Variants in PCDHGB4 observed in about 807,000 individuals in gnomAD.
PCDHGB4 encodes the protein protocadherin gamma subfamily B, 4, also known as protocadherin gamma-B4.
A neutral mutation model predicts 60.5 loss-of-function variants in PCDHGB4; 38 were observed. The observed-to-expected ratio is 0.63, with a 90% CI of 0.48 to 0.82. PCDHGB4 has a LOEUF of 0.82. Among genes scored for constraint, PCDHGB4 ranks in the 40% least tolerant of loss-of-function variants. PCDHGB4 has a pLI of 0.00. For missense variants in PCDHGB4, 1,109 were observed against 1,209.6 expected (o/e 0.92, Z 1.23); for synonymous variants, 456 against 509.7 (o/e 0.89, Z 1.42).
intron 1 of PCDHGB4, chr5:141,410,801 A>T: frequency 3.4e-6 from 2 of 587,936 alleles, no homozygotes; most frequent in South Asian, 3.5e-5. Context: ...AAGTTGCTCT[A>T]TCTTTTTGTA....
chr5:141,399,448 G>A (rs1272959259), intron 1 of PCDHGB4: 5 of 1,613,872 alleles, frequency 3.1e-6, no homozygotes, highest in Non-Finnish European at 4.2e-6. Flanking sequence ...TATCAGAGAC[G>A]TCAACGATAA....
At chr5:141,510,315 G>A (rs2099880567) in intron 3 of PCDHGB4, among the ~76,000 whole-genome samples, 1 of 151,324 alleles carries the variant, frequency 6.6e-6, no homozygotes, top group African/African-American at 2.4e-5. Flanking sequence ...TGGAGGCTTG[G>A]AAGAGCACTC....
rs777115265 is a variant in PCDHGB4, at chr5:141,485,247, G to C, written c.2398-9560G>C. ...CTTTTGTTCCTCTTTTACCACCTGG[G>C]TTACGTTTGTGGGCAGATCCGCTAC... On this transcript the variant is annotated intron_variant, in intron 1 of 3. Coordinates refer to ENST00000519479, the MANE Select transcript of PCDHGB4 (RefSeq NM_003736.4). This position sits in a 1 kb window ranked among gnomAD's most constrained non-coding sequence, Gnocchi z 5.7. 8.7e-6 allele frequency: 14 copies of C among 1,614,156 alleles called. No homozygotes were observed. In the African/African-American group the frequency reaches 1.6e-4, roughly 18 times the overall value.
intron 1 of PCDHGB4, among the ~76,000 whole-genome samples, chr5:141,468,064 C>T (rs1026571562): frequency 3.3e-5 from 5 of 152,076 alleles, no homozygotes; most frequent in Non-Finnish European, 7.4e-5. Flanking sequence ...GTGGCTCACA[C>T]CTGTAATCCC....
chr5:141,491,598 C>T lies in PCDHGB4; in HGVS notation c.2398-3209C>T, dbSNP rs1410472886. On this transcript the variant is annotated intron_variant, in intron 1 of 3. Transcript: ENST00000519479. This position sits in a 1 kb window ranked among gnomAD's most constrained non-coding sequence, Gnocchi z 6.9. ...TTTCACCGGCCTCGGACGGCAGTGA[C>T]TTCACTTTTCTAAGACCCCTCAGCG... 1.4e-5 allele frequency: 22 copies of T among 1,613,872 alleles called. No homozygotes were observed. The highest frequency in any genetic ancestry group is 1.8e-5 in the Non-Finnish European group (21 of 1,180,048).
intron 1 of PCDHGB4, chr5:141,415,644 A>G: frequency 6.2e-7 from 1 of 1,600,070 alleles, no homozygotes; most frequent in Non-Finnish European, 8.5e-7. Flanking sequence ...CTTTTGTTAA[A>G]AAAAAAAAGA....
chr5:141,490,652 C>A lies in PCDHGB4; in HGVS notation c.2398-4155C>A. ...ATCCTAGAAAACCGGCCTCCGGGCT[C>A]CCTTCTTTGCACTGTGGCTGCCTCA... On this transcript the variant is annotated intron_variant, in intron 1 of 3. Transcript: ENST00000519479. The surrounding 1 kb of genome is among the most constrained non-coding windows in gnomAD (Gnocchi z 5.4). 6.2e-7 allele frequency: 1 copy of A among 1,614,208 alleles called. No individual in the cohort carries two copies. Among genetic ancestry groups the A allele is most frequent in the Non-Finnish European group, 8.5e-7 (1 of 1,180,026 alleles).
chr5:141,477,564 A>T lies in PCDHGB4; in HGVS notation c.2398-17243A>T. 2 of 1,613,924 alleles carry T rather than the reference A, an allele frequency of 1.2e-6. No individual in the cohort carries two copies. The highest frequency in any genetic ancestry group is 1.7e-6 in the Non-Finnish European group (2 of 1,179,980). On this transcript the variant is annotated intron_variant, in intron 1 of 3. Coordinates refer to ENST00000519479, the MANE Select transcript of PCDHGB4 (RefSeq NM_003736.4). The surrounding 1 kb of genome is among the most constrained non-coding windows in gnomAD (Gnocchi z 4.9). ...CCAATACTAAACCTAAGTGTCTGGG[A>T]CCCCGACGCCCCGCAGAATGCTCGG... is the stretch of plus-strand genomic sequence containing the variant.
At chr5:141,413,195 G>T (rs771456948) in intron 1 of PCDHGB4, 1 of 1,610,846 alleles carries the variant, frequency 6.2e-7, no homozygotes, top group South Asian at 1.1e-5. Context: ...CAAAGGAATC[G>T]CTCAAAGGAA....
chr5:141,394,487 C>A, intron 1 of PCDHGB4: 1 of 1,614,248 alleles, frequency 6.2e-7, no homozygotes. Context: ...AGAATGACAA[C>A]GCGCCCGAGA....
intron 1 of PCDHGB4, chr5:141,441,139 G>C (rs1000704603): frequency 6.6e-6 from 1 of 152,172 alleles, no homozygotes; most frequent in African/African-American, 2.4e-5. Context: ...ATTTCTAGAA[G>C]ATAATGACAA....
At chr5:141,478,808 T>C in intron 1 of PCDHGB4, 1 of 1,459,124 alleles carries the variant, frequency 6.9e-7, no homozygotes, top group African/African-American at 1.4e-5. Flanking sequence ...TCTTTTGCTA[T>C]CACAACTAAC....
chr5:141,436,817 TA>T (rs1431750380), intron 1 of PCDHGB4, among the ~76,000 whole-genome samples: 1 of 152,244 alleles, frequency 6.6e-6, no homozygotes, highest in Non-Finnish European at 1.5e-5. Context: ...ACAGCTGGTT[TA>T]AAAATCTTAA....
chr5:141,389,770 C>A lies in PCDHGB4; in HGVS notation c.1886C>A (p.Ala629Asp). 4 of 1,613,166 alleles carry A rather than the reference C, an allele frequency of 2.5e-6. No individual in the cohort carries two copies. Among genetic ancestry groups the A allele is most frequent in the Non-Finnish European group, 3.4e-6 (4 of 1,179,730 alleles). ...LRTGEVRTAR[A>D]LGDRDAVRQR... The stretch of plus-strand genomic sequence containing the variant: ...ACGGGCGAAGTGCGCACAGCGCGTG[C>A]CTTAGGCGACAGGGACGCCGTCCGC... Residue 629 changes from alanine to aspartate, a missense_variant, in exon 1 of 4, where the codon GCC becomes GAC. Physicochemically the swap from Ala to Asp is moderately radical, Grantham distance 126 (BLOSUM62 -2). Coordinates refer to ENST00000519479, the MANE Select transcript of PCDHGB4 (RefSeq NM_003736.4).
intron 1 of PCDHGB4, chr5:141,399,746 C>G (rs1478736881): frequency 2.5e-6 from 4 of 1,613,242 alleles, no homozygotes; most frequent in African/African-American, 2.7e-5. Context: ...GCGCTCAGCG[C>G]AAACGTGAGC....
At chr5:141,413,513 T>C (rs1369472337) in intron 1 of PCDHGB4, 34 of 1,613,974 alleles carry the variant, frequency 2.1e-5, no homozygotes, top group Non-Finnish European at 2.9e-5. Context: ...TTTAATATCC[T>C]TGTGGAAGAC....
At chr5:141,426,492 T>A (rs1439487321) in intron 1 of PCDHGB4, 11 of 336,712 alleles carry the variant, frequency 3.3e-5, no homozygotes, top group South Asian at 2.6e-4. Flanking sequence ...TTAGAGTTAG[T>A]GCAGAGAAAC....
At position 141,431,035 on chromosome 5, in the gene PCDHGB4, G is replaced by C; in HGVS notation, c.2397+40754G>C. The C allele has an allele frequency of 6.2e-7, 1 of 1,614,186 alleles. No individual in the cohort carries two copies. Among genetic ancestry groups the C allele is most frequent in the South Asian group, 1.1e-5 (1 of 91,086 alleles). ...TGGTCACGGCGGGCAGGATAGACCG[G>C]GAGGAGCTCTGTATGGGGGCCATCA... On this transcript the variant is annotated intron_variant, in intron 1 of 3. Transcript: ENST00000519479. The surrounding 1 kb of genome is among the most constrained non-coding windows in gnomAD (Gnocchi z 4.8).
chr5:141,397,194 A>G (rs1362793784), intron 1 of PCDHGB4, among the ~76,000 whole-genome samples: 1 of 152,240 alleles, frequency 6.6e-6, no homozygotes, highest in Admixed American at 6.5e-5. Flanking sequence ...GTACTGTAAA[A>G]GATATGACAT....
Sources: gnomAD v4.1 joint callset for allele counts (sites outside exome capture counted in the v4.1 genomes callset) on GRCh38, gnomAD v4.1.1 for gene constraint, Gnocchi (gnomAD v3.1) non-coding constraint, MANE v1.5 for transcripts, NCBI Gene and HGNC (gene_info 2026-07-23, HGNC 2026-07-21) for gene names.